GNG12: variants seen among roughly 807,000 people sequenced by gnomAD.
GNG12 encodes G protein subunit gamma 12, also known as guanine nucleotide-binding protein G(I)/G(S)/G(O) subunit gamma-12.
For missense variants in GNG12, 69 were observed against 83.8 expected (o/e 0.82, Z 0.69); for synonymous variants, 28 against 29.7 (o/e 0.94, Z 0.19).
chr1:67,804,000 A>G (rs1043770575), intron 1 of GNG12, among the ~76,000 whole-genome samples: 18 of 152,234 alleles, frequency 1.2e-4, no homozygotes, highest in Non-Finnish European at 7.3e-5. Flanking sequence ...GATGGAGTCC[A>G]GGCAGAACGG....
At chr1:67,784,313 T>A in intron 1 of GNG12, among the ~76,000 whole-genome samples, 1 of 110,286 alleles carries the variant, frequency 9.1e-6, no homozygotes, top group African/African-American at 3.5e-5. Flanking sequence ...CTGGGGACTG[T>A]TGTGGGGTGG....
intron 1 of GNG12, among the ~76,000 whole-genome samples, chr1:67,807,254 TA>T (rs1275909093): frequency 6.6e-6 from 1 of 151,942 alleles, no homozygotes; most frequent in East Asian, 1.9e-4. Flanking sequence ...AAAATACACC[TA>T]ATCAAAACTT....
intron 2 of GNG12, among the ~76,000 whole-genome samples, chr1:67,734,663 G>T (rs1384543074): frequency 6.6e-6 from 1 of 152,088 alleles, no homozygotes; most frequent in East Asian, 1.9e-4. Flanking sequence ...GCCTTGCTCT[G>T]TCACCCAGGC....
intron 1 of GNG12, among the ~76,000 whole-genome samples, chr1:67,780,073 A>C (rs1028289353): frequency 6.6e-6 from 1 of 152,236 alleles, no homozygotes; most frequent in Non-Finnish European, 1.5e-5. Context: ...CCACAGATGC[A>C]GCCTATAGTT....
At chr1:67,773,959 C>G (rs1646689643) in intron 2 of GNG12, among the ~76,000 whole-genome samples, 1 of 152,186 alleles carries the variant, frequency 6.6e-6, no homozygotes, top group African/African-American at 2.4e-5. Context: ...AAATGCACAC[C>G]TGAACCTAGA....
chr1:67,769,416 T>A (rs1186019319), intron 2 of GNG12, among the ~76,000 whole-genome samples: 2 of 152,056 alleles, frequency 1.3e-5, no homozygotes, highest in Non-Finnish European at 2.9e-5. Context: ...AAAACCTACA[T>A]AAGTGAGGGT....
At chr1:67,807,874 T>G (rs558135511) in intron 1 of GNG12, among the ~76,000 whole-genome samples, 1 of 152,258 alleles carries the variant, frequency 6.6e-6, no homozygotes, top group South Asian at 2.1e-4. Flanking sequence ...TGTGAATTCT[T>G]CTAAACACTT....
At chr1:67,735,979 G>A (rs1424127319) in intron 2 of GNG12, among the ~76,000 whole-genome samples, 2 of 149,978 alleles carry the variant, frequency 1.3e-5, no homozygotes, top group Non-Finnish European at 2.9e-5. Context: ...GTTCTCACAA[G>A]GGAAAGAGCC....
At chr1:67,829,385 CAA>C (rs1457946189) in intron 1 of GNG12, among the ~76,000 whole-genome samples, 1 of 152,090 alleles carries the variant, frequency 6.6e-6, no homozygotes, top group Non-Finnish European at 1.5e-5. Flanking sequence ...ATTTAAAAGA[CAA>C]AATGATGATT....
chr1:67,751,184 G>GACAC (rs3835466), intron 2 of GNG12, among the ~76,000 whole-genome samples: 1,677 of 140,772 alleles, frequency 0.012, 38 homozygotes, highest in African/African-American at 0.037. Flanking sequence ...TACACATACA[G>GACAC]ACACACACAC....
chr1:67,733,533 C>G (rs1434196583), intron 2 of GNG12, among the ~76,000 whole-genome samples: 12 of 152,126 alleles, frequency 7.9e-5, no homozygotes, highest in Non-Finnish European at 1.5e-5. Context: ...AAACATATCA[C>G]AAGTAACCAC....
At chr1:67,722,145 C>T (rs1400857445) in intron 2 of GNG12, among the ~76,000 whole-genome samples, 4 of 152,074 alleles carry the variant, frequency 2.6e-5, no homozygotes, top group Admixed American at 2.6e-4. Flanking sequence ...AACCGAAAAG[C>T]CCAAACACCT....
intron 2 of GNG12, among the ~76,000 whole-genome samples, chr1:67,757,749 A>G (rs756833783): frequency 1.3e-5 from 2 of 152,148 alleles, no homozygotes; most frequent in Non-Finnish European, 2.9e-5. Context: ...AAAATCTTGT[A>G]TTTACAGGGA....
intron 1 of GNG12, among the ~76,000 whole-genome samples, chr1:67,830,902 T>C (rs1647040502): frequency 1.3e-5 from 2 of 152,192 alleles, no homozygotes; most frequent in South Asian, 2.1e-4. Flanking sequence ...GATAAATATC[T>C]AATAATTTTG....
At chr1:67,748,670 T>G (rs1370938626) in intron 2 of GNG12, among the ~76,000 whole-genome samples, 1 of 152,186 alleles carries the variant, frequency 6.6e-6, no homozygotes, top group Non-Finnish European at 1.5e-5. Flanking sequence ...CTACAGAAAC[T>G]GAGAATTAAA....
At chr1:67,724,401 G>A (rs776815661) in intron 2 of GNG12, among the ~76,000 whole-genome samples, 11 of 152,256 alleles carry the variant, frequency 7.2e-5, no homozygotes, top group African/African-American at 2.2e-4. Context: ...AATTCCATTC[G>A]TTCATTCGAG....
intron 2 of GNG12, among the ~76,000 whole-genome samples, chr1:67,725,557 C>G (rs572960044): frequency 6.6e-6 from 1 of 152,240 alleles, no homozygotes; most frequent in East Asian, 1.9e-4. Flanking sequence ...CAAGATGTTC[C>G]CAAGTCAACT....
chr1:67,791,272 C>T (rs1416468262), intron 1 of GNG12, among the ~76,000 whole-genome samples: 6 of 152,164 alleles, frequency 3.9e-5, no homozygotes, highest in Admixed American at 3.9e-4. Context: ...ATATACCCAT[C>T]CTTAGGTGTC....
intron 1 of GNG12, among the ~76,000 whole-genome samples, chr1:67,826,847 C>A (rs1647013957): frequency 1.3e-5 from 2 of 152,136 alleles, no homozygotes; most frequent in South Asian, 4.1e-4. Context: ...AATTTATCCC[C>A]CCAAAACAAC....
Sources: allele counts gnomAD v4.1 joint callset (sites outside exome capture counted in the v4.1 genomes callset), GRCh38; gene constraint gnomAD v4.1.1; transcripts MANE v1.5; gene names NCBI Gene and HGNC (gene_info 2026-07-23, HGNC 2026-07-21).